The following CDH23 variants were observed in gnomAD, a reference collection of about 807,000 sequenced individuals.
The protein encoded by CDH23 is cadherin related 23, also known as cadherin-23.
A neutral mutation model predicts 317.1 loss-of-function variants in CDH23; 189 were observed. The ratio of observed to expected loss-of-function variants is 0.60; its 90% CI spans 0.53 to 0.67. The LOEUF (loss-of-function observed/expected upper bound fraction) is 0.67, where lower values mean the gene tolerates loss of function less well. Ranked by LOEUF, CDH23 falls within the 30% of genes least tolerant of loss-of-function variation. CDH23 has a pLI of 0.00. For synonymous variants in CDH23, 1,839 were observed against 1,876.8 expected, an observed-to-expected ratio of 0.98 and a Z score of 0.52; for missense variants, 4,401 against 4,592.4, an observed-to-expected ratio of 0.96 and a Z score of 1.20.
At chr10:71,590,847 C>T (rs909163141) in intron 9 of CDH23, among the ~76,000 whole-genome samples, 11 of 137,930 alleles carry the variant, frequency 8.0e-5, no homozygotes, top group Non-Finnish European at 1.2e-4. Context: ...GACTCCAGCC[C>T]GGGCAACAGA....
At chr10:71,603,592 ACCGGGTGCCAAG>A (rs1860356429) in intron 9 of CDH23, among the ~76,000 whole-genome samples, 1 of 152,106 alleles carries the variant, frequency 6.6e-6, no homozygotes, top group Admixed American at 6.5e-5. Context: ...CCCGGAGGTA[ACCGGGTGCCAAG>A]CAGGCAGCAG....
chr10:71,549,154 G>A (rs1856446947), intron 6 of CDH23, among the ~76,000 whole-genome samples: 1 of 152,258 alleles, frequency 6.6e-6, no homozygotes, highest in Non-Finnish European at 1.5e-5. Flanking sequence ...ACAGCTAAAA[G>A]GCATTCACCT....
At chr10:71,496,529 C>A (rs1171417103) in intron 3 of CDH23, among the ~76,000 whole-genome samples, 3 of 152,190 alleles carry the variant, frequency 2.0e-5, no homozygotes, top group Admixed American at 2.0e-4. Context: ...CTTTCCAAAG[C>A]CCAAGCTGGC....
In CDH23 at chr10:71,702,215, T is replaced by C; in HGVS notation, c.2587+4T>C. ...ATCGTCGTCTCTGTTACTGACTGTA[T>C]GGACCCCTCTCGCCCCTCACGGCCC... On this transcript the variant is annotated splice_donor_region_variant and intron_variant, in intron 23 of 69. Coordinates refer to ENST00000224721, the MANE Select transcript of CDH23 (RefSeq NM_022124.6). 1 of 1,612,784 alleles carries C rather than the reference T, an allele frequency of 6.2e-7. No individual in the cohort carries two copies. Among genetic ancestry groups the C allele is most frequent in the South Asian group, 1.1e-5 (1 of 91,062 alleles).
At chr10:71,661,362 G>A (rs962488071) in intron 14 of CDH23, among the ~76,000 whole-genome samples, 16 of 152,016 alleles carry the variant, frequency 1.1e-4, no homozygotes, top group African/African-American at 2.9e-4. Flanking sequence ...CCACTGTATC[G>A]CCACCTACAA....
intron 1 of CDH23, among the ~76,000 whole-genome samples, chr10:71,399,190 A>G (rs1213491226): frequency 6.6e-6 from 1 of 152,248 alleles, no homozygotes; most frequent in Non-Finnish European, 1.5e-5. Context: ...GTGAAGGTGT[A>G]GCGGAACCTT....
At chr10:71,792,265 A>C (rs1431784430) in intron 47 of CDH23, among the ~76,000 whole-genome samples, 7 of 152,296 alleles carry the variant, frequency 4.6e-5, no homozygotes, top group South Asian at 4.1e-4. Flanking sequence ...GTAATCTAAT[A>C]TAATAATAAT....
intron 14 of CDH23, among the ~76,000 whole-genome samples, chr10:71,670,269 C>T (rs915064270): frequency 1.3e-5 from 2 of 152,170 alleles, no homozygotes; most frequent in African/African-American, 4.8e-5. Flanking sequence ...GGGTATCAGC[C>T]CCACAGAAGG....
intron 3 of CDH23, among the ~76,000 whole-genome samples, chr10:71,505,508 C>G (rs1853583565): frequency 6.6e-6 from 1 of 152,312 alleles, no homozygotes; most frequent in East Asian, 1.9e-4. Context: ...GGCATTGGTT[C>G]CCGGCACTTC....
chr10:71,421,366 G>A (rs1848808000), intron 1 of CDH23, among the ~76,000 whole-genome samples: 1 of 152,262 alleles, frequency 6.6e-6, no homozygotes, highest in African/African-American at 2.4e-5. Flanking sequence ...GAGAACCTGT[G>A]TGCCTGGGGA....
chr10:71,626,910 G>C (rs575750404), intron 11 of CDH23, among the ~76,000 whole-genome samples: 3 of 152,308 alleles, frequency 2.0e-5, no homozygotes, highest in Admixed American at 2.0e-4. Context: ...GGGTTAGAGG[G>C]CCCTTGTCCA....
chr10:71,519,047 T>G (rs1298461355), intron 6 of CDH23, among the ~76,000 whole-genome samples: 1 of 152,194 alleles, frequency 6.6e-6, no homozygotes, highest in Admixed American at 6.5e-5. Flanking sequence ...TTTGTTTTAA[T>G]GGTAATAATG....
chr10:71,637,505 G>A (rs1015098986), intron 11 of CDH23, among the ~76,000 whole-genome samples: 1 of 152,178 alleles, frequency 6.6e-6, no homozygotes, highest in Admixed American at 6.5e-5. Context: ...TTTTACAGAT[G>A]AGGAAATTGA....
At chr10:71,432,717 C>G (rs1317614881) in intron 1 of CDH23, among the ~76,000 whole-genome samples, 4 of 152,188 alleles carry the variant, frequency 2.6e-5, no homozygotes, top group African/African-American at 9.7e-5. Flanking sequence ...GGGAGCCCTC[C>G]TGGTGATGGG....
chr10:71,584,414 T>C lies in CDH23; in HGVS notation c.832+6422T>C, dbSNP rs188280794. Among the ~76,000 whole-genome samples the C allele has an allele frequency of 1.5e-3, 227 of 152,298 alleles. 3 individuals carry two copies. Among genetic ancestry groups the C allele is most frequent in the African/African-American group, 5.3e-3 (221 of 41,560 alleles). On this transcript the variant is annotated intron_variant, in intron 9 of 69. Transcript: ENST00000224721. ...AGGTCACACTGGGGCACTATGGTAG[T>C]GAAGGACAGAGCCTTCCCTTGCTTG... is the stretch of plus-strand genomic sequence containing the variant.
intron 31 of CDH23, 24 bp downstream of exon 31, chr10:71,730,628 G>C: frequency 6.2e-7 from 1 of 1,612,930 alleles, no homozygotes; most frequent in African/African-American, 1.3e-5. Flanking sequence ...GAGGAAGCCG[G>C]GGATCCCATT....
At chr10:71,656,802 C>A (rs1199636924) in intron 14 of CDH23, among the ~76,000 whole-genome samples, 1 of 152,120 alleles carries the variant, frequency 6.6e-6, no homozygotes, top group African/African-American at 2.4e-5. Flanking sequence ...GCACAGAGAG[C>A]AGGAGGGGCA....
intron 3 of CDH23, among the ~76,000 whole-genome samples, chr10:71,505,452 C>T (rs1853580140): frequency 6.6e-6 from 1 of 152,244 alleles, no homozygotes; most frequent in South Asian, 2.1e-4. Context: ...CAAGGTCATC[C>T]TTATCTATCA....
intron 1 of CDH23, among the ~76,000 whole-genome samples, chr10:71,408,289 C>T (rs1409528067): frequency 2.0e-5 from 3 of 152,004 alleles, no homozygotes. Flanking sequence ...AAAGCATGGC[C>T]CTTGTCCCCC....
Sources: allele counts gnomAD v4.1 joint callset (sites outside exome capture counted in the v4.1 genomes callset), GRCh38; gene constraint gnomAD v4.1.1; transcripts MANE v1.5; gene names NCBI Gene and HGNC (gene_info 2026-07-23, HGNC 2026-07-21).